Variants in PCDH15 observed in about 807,000 individuals in gnomAD.
PCDH15 encodes protocadherin related 15, also known as protocadherin-15.
A neutral mutation model predicts 178.5 loss-of-function variants in PCDH15; 129 were observed. The ratio of observed to expected loss-of-function variants is 0.72; its 90% CI spans 0.63 to 0.84. The LOEUF (loss-of-function observed/expected upper bound fraction) is 0.84, where lower values mean the gene tolerates loss of function less well. Among genes scored for constraint, PCDH15 ranks in the 40% least tolerant of loss-of-function variants. PCDH15 has a pLI of 0.00. For missense variants in PCDH15, 2,230 were observed against 2,099.9 expected, an observed-to-expected ratio of 1.06 and a Z score of -1.21; for synonymous variants, 800 against 732.0, an observed-to-expected ratio of 1.09 and a Z score of -1.50.
intron 2 of PCDH15, among the ~76,000 whole-genome samples, chr10:55,060,063 G>T (rs909220404): frequency 9.2e-5 from 14 of 151,896 alleles, no homozygotes; most frequent in Non-Finnish European, 1.5e-4. Context: ...ACTGCAGATT[G>T]TATCACCATA....
chr10:55,236,857 A>C (rs1006741562), intron 1 of PCDH15, among the ~76,000 whole-genome samples: 2 of 151,902 alleles, frequency 1.3e-5, no homozygotes, highest in African/African-American at 4.8e-5. Context: ...ATAAATAATA[A>C]AATAAAATAC....
intron 2 of PCDH15, among the ~76,000 whole-genome samples, chr10:55,495,703 A>G (rs927461978): frequency 1.1e-4 from 17 of 151,764 alleles, no homozygotes; most frequent in Non-Finnish European, 2.1e-4. Context: ...AAAATTTTCA[A>G]CATATGACCC....
At chr10:55,362,722 A>G (rs1003513087) in intron 2 of PCDH15, among the ~76,000 whole-genome samples, 1 of 150,730 alleles carries the variant, frequency 6.6e-6, no homozygotes, top group Non-Finnish European at 1.5e-5. Context: ...GATTCATGTG[A>G]TTACCACCAC....
intron 5 of PCDH15, among the ~76,000 whole-genome samples, chr10:54,358,059 A>C (rs1414586254): frequency 1.3e-5 from 2 of 150,208 alleles, no homozygotes; most frequent in Non-Finnish European, 2.9e-5. Context: ...ACGATAAAAA[A>C]CCCTAGAAGA....
chr10:54,350,819 T>TAAC (rs1944055271), intron 5 of PCDH15, among the ~76,000 whole-genome samples: 1 of 151,764 alleles, frequency 6.6e-6, no homozygotes, highest in Admixed American at 6.6e-5. Flanking sequence ...AGATAGATAA[T>TAAC]AGGCCTGGAC....
intron 8 of PCDH15, among the ~76,000 whole-genome samples, chr10:54,265,786 C>T (rs1316809964): frequency 6.6e-6 from 1 of 151,990 alleles, no homozygotes; most frequent in African/African-American, 2.4e-5. Context: ...GAAATCACTA[C>T]TAGACCTAAG....
chr10:54,514,012 C>T (rs1045542316), intron 3 of PCDH15, among the ~76,000 whole-genome samples: 2 of 152,180 alleles, frequency 1.3e-5, no homozygotes, highest in African/African-American at 4.8e-5. Flanking sequence ...GCTTCGTATT[C>T]ACAGGCTTAC....
intron 2 of PCDH15, among the ~76,000 whole-genome samples, chr10:55,460,908 A>C (rs1471446924): frequency 2.6e-5 from 4 of 152,070 alleles, no homozygotes; most frequent in African/African-American, 9.7e-5. Flanking sequence ...TGATATTAAA[A>C]TTTGCTAGGT....
chr10:55,082,627 T>A (rs940704793), intron 2 of PCDH15, among the ~76,000 whole-genome samples: 1 of 147,590 alleles, frequency 6.8e-6, no homozygotes, highest in African/African-American at 2.5e-5. Context: ...GAAAAGTTGC[T>A]TTTTAAAAAG....
In PCDH15 at chr10:53,968,333, T is replaced by G. The variant is rs557276978; in HGVS notation, c.2869-6441A>C. On this transcript the variant is annotated intron_variant, in intron 21 of 37. Transcript: ENST00000644397. ...GCATCCACCATTGCTGAGGCTTGAG[T>G]AGGTAAACAAAGTGGACAGGAAGCT... 2.6e-5 allele frequency among the ~76,000 whole-genome samples: 4 copies of G among 152,012 alleles called. No individual in the cohort carries two copies. In the South Asian group the frequency reaches 8.3e-4, roughly 32 times the overall value.
intron 13 of PCDH15, among the ~76,000 whole-genome samples, chr10:54,182,793 T>G (rs1294873259): frequency 6.6e-6 from 1 of 152,104 alleles, no homozygotes; most frequent in African/African-American, 2.4e-5. Context: ...GAAAAGTAAT[T>G]TGAAGATTTA....
intron 2 of PCDH15, among the ~76,000 whole-genome samples, chr10:55,014,385 G>A (rs572504527): frequency 8.7e-4 from 132 of 152,092 alleles, no homozygotes; most frequent in Non-Finnish European, 1.6e-3. Context: ...TATTTTCTAT[G>A]GGCCTCACTT....
chr10:54,291,072 G>A (rs1349370949), intron 8 of PCDH15, among the ~76,000 whole-genome samples: 4 of 152,116 alleles, frequency 2.6e-5, no homozygotes, highest in Middle Eastern at 3.2e-3. Context: ...ATAATTGGAA[G>A]TAAAGCACTC....
chr10:54,423,948 G>A (rs1955887198), intron 3 of PCDH15, among the ~76,000 whole-genome samples: 1 of 151,790 alleles, frequency 6.6e-6, no homozygotes. Context: ...CAGGACATAG[G>A]CATGGGCAAG....
intron 1 of PCDH15, among the ~76,000 whole-genome samples, chr10:54,713,729 T>C (rs2095448822): frequency 6.6e-6 from 1 of 152,176 alleles, no homozygotes; most frequent in Non-Finnish European, 1.5e-5. Context: ...AAGGTTGTAT[T>C]ACATTTTACA....
chr10:54,608,132 A>G (rs2134197146), intron 2 of PCDH15, among the ~76,000 whole-genome samples: 1 of 152,080 alleles, frequency 6.6e-6, no homozygotes. Flanking sequence ...GGGATTTCCG[A>G]GCAAAAAAAT....
At chr10:55,374,027 T>C (rs946901551) in intron 2 of PCDH15, among the ~76,000 whole-genome samples, 3 of 151,574 alleles carry the variant, frequency 2.0e-5, no homozygotes, top group Non-Finnish European at 4.4e-5. Flanking sequence ...CCACCATGCA[T>C]GTGTATACCT....
chr10:54,071,383 G>A (rs2094238983), intron 17 of PCDH15, among the ~76,000 whole-genome samples: 2 of 152,106 alleles, frequency 1.3e-5, no homozygotes, highest in Non-Finnish European at 2.9e-5. Context: ...AGGGCAGTGT[G>A]TAATACTACG....
At chr10:54,103,939 A>G (rs960236950) in intron 15 of PCDH15, among the ~76,000 whole-genome samples, 4 of 152,102 alleles carry the variant, frequency 2.6e-5, no homozygotes, top group Non-Finnish European at 5.9e-5. Flanking sequence ...AACAAAACAA[A>G]ATAAACTCGA....
Sources: allele counts gnomAD v4.1 joint callset (sites outside exome capture counted in the v4.1 genomes callset), GRCh38; gene constraint gnomAD v4.1.1; transcripts MANE v1.5; gene names NCBI Gene and HGNC (gene_info 2026-07-23, HGNC 2026-07-21).